NOL8: variants seen among roughly 807,000 people sequenced by gnomAD.
The protein encoded by NOL8 is nucleolar protein 8, also known as nucleolar protein Nop132.
A neutral mutation model predicts 116.1 loss-of-function variants in NOL8; 93 were observed. The ratio of observed to expected loss-of-function variants is 0.80; its 90% CI spans 0.68 to 0.95. NOL8 has a LOEUF of 0.95. Ranked by LOEUF, NOL8 falls within the 40% of genes least tolerant of loss-of-function variation. The pLI, the probability that NOL8 is intolerant of heterozygous loss-of-function variation, is 0.00. For synonymous variants in NOL8, 419 were observed against 469.0 expected (o/e 0.89, Z 1.38); for missense variants, 1,291 against 1,382.8 (o/e 0.93, Z 1.05).
intron 13 of NOL8, chr9:92,300,713 T>C: frequency 8.8e-7 from 1 of 1,141,320 alleles, no homozygotes; most frequent in Non-Finnish European, 1.1e-6. Flanking sequence ...AACTACTAGA[T>C]TGTTATACTT....
In NOL8 at chr9:92,314,625, C is replaced by T. The variant is rs201097017; in HGVS notation, c.2000G>A (p.Arg667Lys). The T allele has an allele frequency of 5.4e-5, 87 of 1,612,976 alleles. 1 individual carries two copies. Among genetic ancestry groups the T allele is most frequent in the South Asian group, 3.1e-4 (28 of 90,858 alleles). Residue 667 changes from arginine to lysine, a missense_variant, in exon 7 of 17, where the codon AGA (arginine) becomes AAA (lysine). Arg to Lys is a conservative substitution (Grantham distance 26). Transcript: ENST00000442668. Reference sequence around the variant, plus strand: ...TGGCCTAGAAATAGGATTCTTACTTCTCTTTTCAGAACTGCTAGGGGACAC... The same window carrying T: ...TGGCCTAGAAATAGGATTCTTACTTTTCTTTTCAGAACTGCTAGGGGACAC... ...KAVSPSSSEK[R>K]SKNPISRPLE... is the part of the protein sequence containing the mutation.
chr9:92,306,997 TCCTC>T lies in NOL8; in HGVS notation c.2710_2713del (p.Glu904LysfsTer12). 2 of 1,611,596 alleles carry T rather than the reference TCCTC, an allele frequency of 1.2e-6. No individual in the cohort carries two copies. Among genetic ancestry groups the T allele is most frequent in the Non-Finnish European group, 1.7e-6 (2 of 1,179,544 alleles). ...CTTTTTTTCTTCAGCAAGCTCTTCTTCCTCAGCAGTTTTCTTTTCATTTACCTCT... is the reference window on the plus strand; with the variant it reads ...CTTTTTTTCTTCAGCAAGCTCTTCTTAGCAGTTTTCTTTTCATTTACCTCT... On this transcript the variant is annotated frameshift_variant, in exon 11 of 17. Transcript: ENST00000442668. LOFTEE classifies it high-confidence loss of function.
At chr9:92,323,943 A>G (rs1021349036) in intron 2 of NOL8, 80 bp downstream of exon 2, 29 of 1,479,242 alleles carry the variant, frequency 2.0e-5, no homozygotes, top group Non-Finnish European at 2.6e-5. Flanking sequence ...GCTAACATTT[A>G]TCTTGGGGTT....
In NOL8 at chr9:92,323,436, C is replaced by G. The variant is rs1332336945; in HGVS notation, c.202+5G>C. On this transcript the variant is annotated splice_donor_5th_base_variant and intron_variant, in intron 3 of 16. Coordinates refer to ENST00000442668, the MANE Select transcript of NOL8 (RefSeq NM_017948.6). Reference sequence around the variant, plus strand: ...AACAGTATAGAAAATATATGATGATCTTACATTTTTTCAGGTCCGCTTCTG... The same window carrying G: ...AACAGTATAGAAAATATATGATGATGTTACATTTTTTCAGGTCCGCTTCTG... 2 of 1,599,648 alleles carry G rather than the reference C, an allele frequency of 1.3e-6. No homozygotes were observed. Among genetic ancestry groups the G allele is most frequent in the East Asian group, 2.2e-5 (1 of 44,596 alleles).
chr9:92,303,814 C>T (rs558528932), intron 12 of NOL8, among the ~76,000 whole-genome samples: 2 of 151,914 alleles, frequency 1.3e-5, no homozygotes, highest in Admixed American at 6.5e-5. Context: ...TAAGATTATA[C>T]AAAAAAGAAA....
chr9:92,303,076 C>T (rs1837889240), intron 12 of NOL8, among the ~76,000 whole-genome samples: 1 of 152,084 alleles, frequency 6.6e-6, no homozygotes, highest in Non-Finnish European at 1.5e-5. Flanking sequence ...ATTCTGGTTT[C>T]ATCCTACTGA....
At chr9:92,304,214 G>A (rs1024595962) in intron 12 of NOL8, among the ~76,000 whole-genome samples, 2 of 152,172 alleles carry the variant, frequency 1.3e-5, no homozygotes, top group African/African-American at 4.8e-5. Flanking sequence ...TTATTCCTAG[G>A]CCCTCAGTCC....
At position 92,305,799 on chromosome 9, in the gene NOL8, C is replaced by G. The variant is rs1188742271; in HGVS notation, c.2857G>C (p.Asp953His). ...DIIHYDPTKQ[D>H]HATYERKRDD... ...CTTTTTCTTTCGTAAGTGGCATGGT[C>G]TTGCTTCGTTGGATCATAATGTATG... Residue 953 changes from aspartate (D) to histidine (H), a missense_variant, in exon 12 of 17, where the codon GAC (aspartate) becomes CAC (histidine). By Grantham distance (81) the Asp-to-His change is moderately conservative. Transcript: ENST00000442668. 1 of 1,612,788 alleles carries G rather than the reference C, an allele frequency of 6.2e-7. No individual in the cohort carries two copies. Among genetic ancestry groups the G allele is most frequent in the African/African-American group, 1.3e-5 (1 of 74,966 alleles).
chr9:92,317,454 T>C (rs1366655824), intron 6 of NOL8, among the ~76,000 whole-genome samples: 53 of 152,142 alleles, frequency 3.5e-4, no homozygotes, highest in African/African-American at 2.4e-5. Flanking sequence ...TTGAGCCACT[T>C]GTAGGGAGGG....
At chr9:92,321,552 T>TA (rs3831246) in intron 4 of NOL8, 116 bp downstream of exon 4, 226,106 of 642,410 alleles carry the variant, frequency 0.35, 46,558 homozygotes, top group African/African-American at 0.8. Context: ...GCTCTACTTA[T>TA]ATGTTTGAAT....
At chr9:92,300,814 CAAA>C (rs35912497) in intron 13 of NOL8, 1,248 of 878,110 alleles carry the variant, frequency 1.4e-3, no homozygotes, top group South Asian at 5.9e-3. Flanking sequence ...ACTCTGTCTC[CAAA>C]AAAAAAAAAA....
chr9:92,323,254 T>C (rs1454111892), intron 3 of NOL8, 187 bp downstream of exon 3: 1 of 1,491,358 alleles, frequency 6.7e-7, no homozygotes, highest in South Asian at 1.3e-5. Context: ...TGCTACCATG[T>C]CTGCTGATGC....
At chr9:92,319,477 A>T in intron 4 of NOL8, 121 bp from the exon 5 acceptor site, 1 of 987,360 alleles carries the variant, frequency 1.0e-6, no homozygotes, top group East Asian at 3.2e-5. Flanking sequence ...AAAAACCAAA[A>T]TAAAACAAAA....
chr9:92,316,192 AATCTTTGATACAAAAAAT>A (rs2130716477), intron 6 of NOL8, 54 bp from the exon 7 acceptor site: 6 of 1,522,454 alleles, frequency 3.9e-6, no homozygotes, highest in Non-Finnish European at 3.5e-6. Context: ...AAAACTCATC[AATCTTTGATACAAAAAAT>A]ATTGCTTAAT....
At chr9:92,310,822 G>T (rs139832830) in intron 8 of NOL8, 147 bp from the exon 9 acceptor site, 2 of 831,966 alleles carry the variant, frequency 2.4e-6, no homozygotes, top group East Asian at 5.3e-5. Context: ...GGAAATTCCT[G>T]ACTCAGTGAA....
intron 9 of NOL8, 68 bp from the exon 10 acceptor site, chr9:92,310,329 TC>T: frequency 7.3e-7 from 1 of 1,368,882 alleles, no homozygotes; most frequent in South Asian, 1.2e-5. Flanking sequence ...ACGAAGACTG[TC>T]AATGTACACC....
chr9:92,302,379 T>C (rs1011620903), intron 12 of NOL8, among the ~76,000 whole-genome samples: 3 of 152,228 alleles, frequency 2.0e-5, no homozygotes, highest in African/African-American at 7.2e-5. Context: ...TACTTGGCAG[T>C]TTCCAATACT....
At chr9:92,303,179 A>C (rs1369303910) in intron 12 of NOL8, among the ~76,000 whole-genome samples, 1 of 152,118 alleles carries the variant, frequency 6.6e-6, no homozygotes, top group Non-Finnish European at 1.5e-5. Flanking sequence ...AAGACTCCTA[A>C]TCTCCAGAAG....
intron 12 of NOL8, among the ~76,000 whole-genome samples, chr9:92,305,525 G>T (rs557150092): frequency 1.2e-4 from 18 of 152,266 alleles, no homozygotes; most frequent in African/African-American, 4.3e-4. Context: ...CAAATAAAAG[G>T]TATAAATGAT....
Sources: gnomAD v4.1 joint callset for allele counts (sites outside exome capture counted in the v4.1 genomes callset) on GRCh38, gnomAD v4.1.1 for gene constraint, MANE v1.5 for transcripts, NCBI Gene and HGNC (gene_info 2026-07-23, HGNC 2026-07-21) for gene names.